C8G: variants seen among roughly 807,000 people sequenced by gnomAD.
C8G encodes the protein complement component C8 gamma chain.
Under a neutral mutation model 29.1 loss-of-function variants are expected in C8G, and 38 were observed. That is an observed-to-expected ratio of 1.31 (90% CI 1.01 to 1.71). C8G has a LOEUF of 1.71. Among genes scored for constraint, C8G ranks in the 40% most tolerant of loss-of-function variants. The pLI is 0.00. For missense variants in C8G, 300 were observed against 267.4 expected (o/e 1.12, Z -0.85); for synonymous variants, 158 against 113.2 (o/e 1.40, Z -2.51).
In C8G at chr9:136,946,694, G is replaced by A. The variant is rs1405984377; in HGVS notation, c.595+5G>A. Reference sequence around the variant, plus strand: ...ACCAGTTCCACGTCCTGGACGGTGAGTGCACAGCGGGGCAAGCATGGCGGC... The same window carrying A: ...ACCAGTTCCACGTCCTGGACGGTGAATGCACAGCGGGGCAAGCATGGCGGC... On this transcript the variant is annotated splice_donor_5th_base_variant and intron_variant, in intron 6 of 6. Coordinates refer to ENST00000371634, the MANE Select transcript of C8G (RefSeq NM_000606.3). The A allele has an allele frequency of 6.2e-7, 1 of 1,612,066 alleles. No homozygotes were observed. Among genetic ancestry groups the A allele is most frequent in the African/African-American group, 1.3e-5 (1 of 74,928 alleles).
In C8G at chr9:136,946,818, C is replaced by G; in HGVS notation, c.*37C>G. 6.5e-7 allele frequency: 1 copy of G among 1,547,694 alleles called. No homozygotes were observed. Among genetic ancestry groups the G allele is most frequent in the South Asian group, 1.2e-5 (1 of 85,188 alleles). ...AGCTCCAGTGCTGAGAAGTCAGTGC[C>G]CCGAGAGACGACCCCACCAGTGGGG... On this transcript the variant is annotated 3_prime_UTR_variant, in exon 7 of 7. Transcript: ENST00000371634.
chr9:136,945,844 C>T (rs1320223537), intron 2 of C8G, 74 bp downstream of exon 2: 2 of 1,541,574 alleles, frequency 1.3e-6, no homozygotes, highest in Non-Finnish European at 1.8e-6. Flanking sequence ...CTGCTCTGGC[C>T]CCTGACCCCA....
chr9:136,945,831 G>T, intron 2 of C8G, 61 bp downstream of exon 2: 1 of 1,540,690 alleles, frequency 6.5e-7, no homozygotes. Flanking sequence ...CCGGACTTCA[G>T]CCCTGCTCTG....
rs1301413942 is a variant in C8G at position 136,946,643 on chromosome 9, GC to G, written c.557-3del. On this transcript the variant is annotated splice_polypyrimidine_tract_variant and splice_region_variant and intron_variant, in intron 5 of 6. Coordinates refer to ENST00000371634, the MANE Select transcript of C8G (RefSeq NM_000606.3). ...ATGTCCAGCCTGACCCCTGCCTTGG[GC>G]CCCCAGGCTTCTGCGAGGCTGCAGA... The G allele has an allele frequency of 1.9e-6, 3 of 1,613,232 alleles. No homozygotes were observed. Among genetic ancestry groups the G allele is most frequent in the Non-Finnish European group, 2.5e-6 (3 of 1,179,950 alleles).
In C8G at chr9:136,945,469, G is replaced by C. The variant is rs201239659; in HGVS notation, c.138+11G>C. On this transcript the variant is annotated intron_variant, in intron 1 of 6. Coordinates refer to ENST00000371634, the MANE Select transcript of C8G (RefSeq NM_000606.3). ...TTTGATGCTCAGCAGGTAGAAGTTGGGGGGGGTAGAGGGAGGCAGGTAGAA... is the reference window on the plus strand; with the variant it reads ...TTTGATGCTCAGCAGGTAGAAGTTGCGGGGGGTAGAGGGAGGCAGGTAGAA... 174 of 1,563,372 alleles carry C rather than the reference G, an allele frequency of 1.1e-4. 1 individual carries two copies. The highest frequency in any genetic ancestry group is 5.0e-4 in the Middle Eastern group (3 of 5,992).
At chr9:136,945,837 C>T in intron 2 of C8G, 67 bp downstream of exon 2, 2 of 1,541,576 alleles carry the variant, frequency 1.3e-6, no homozygotes, top group Non-Finnish European at 1.8e-6. Context: ...TTCAGCCCTG[C>T]TCTGGCCCCT....
At chr9:136,945,567 G>C in intron 1 of C8G, 67 bp from the exon 2 acceptor site, 1 of 1,573,026 alleles carries the variant, frequency 6.4e-7, no homozygotes, top group Admixed American at 1.8e-5. Flanking sequence ...GTTGTGGGGG[G>C]TGTAGAGGGA....
intron 4 of C8G, 76 bp downstream of exon 4, chr9:136,946,268 G>A: frequency 2.8e-6 from 4 of 1,411,894 alleles, no homozygotes; most frequent in Non-Finnish European, 3.9e-6. Context: ...CGAGGGGCTG[G>A]GTGAGCCCAT....
At chr9:136,945,479 A>G in intron 1 of C8G, 21 bp downstream of exon 1, 1 of 1,556,130 alleles carries the variant, frequency 6.4e-7, no homozygotes, top group Non-Finnish European at 8.7e-7. Context: ...GGGGGGGTAG[A>G]GGGAGGCAGG....
At position 136,945,308 on chromosome 9, in the gene C8G, T is replaced by G; in HGVS notation, c.-13T>G. The stretch of plus-strand genomic sequence containing the variant: ...TTGGCCTCCCACAGTCCTGCCACCC[T>G]GCTGCCGCCACCATGCTGCCCCCTG... On this transcript the variant is annotated 5_prime_UTR_variant, in exon 1 of 7. Coordinates refer to ENST00000371634, the MANE Select transcript of C8G (RefSeq NM_000606.3). The G allele has an allele frequency of 6.3e-7, 1 of 1,593,810 alleles. No homozygotes were observed. Among genetic ancestry groups the G allele is most frequent in the Non-Finnish European group, 8.6e-7 (1 of 1,167,740 alleles).
rs765567840 is a variant in C8G, at chr9:136,946,659, G to C, written c.565G>C (p.Glu189Gln). Reference sequence around the variant, plus strand: ...CTGCCTTGGGCCCCCAGGCTTCTGCGAGGCTGCAGACCAGTTCCACGTCCT... The same window carrying C: ...CTGCCTTGGGCCCCCAGGCTTCTGCCAGGCTGCAGACCAGTTCCACGTCCT... ...IFYFPKYGFC[E>Q]AADQFHVLDE... is the part of the protein sequence containing the mutation. The change falls in exon 6 of 7, where the codon GAG (glutamate) becomes CAG (glutamine). Residue 189 changes from glutamate (E) to glutamine (Q), a missense_variant. Glu to Gln is a conservative substitution (Grantham distance 29, BLOSUM62 2). Coordinates refer to ENST00000371634, the MANE Select transcript of C8G (RefSeq NM_000606.3). 2.0e-5 allele frequency: 32 copies of C among 1,612,982 alleles called. No individual in the cohort carries two copies. In the African/African-American group the frequency reaches 3.6e-4, roughly 18 times the overall value.
Sources: gnomAD v4.1 joint callset for allele counts on GRCh38, gnomAD v4.1.1 for gene constraint, MANE v1.5 for transcripts, NCBI Gene and HGNC (gene_info 2026-07-23, HGNC 2026-07-21) for gene names.